Variants in MGAT4C observed in about 807,000 individuals in gnomAD.
MGAT4C encodes MGAT4 family member C, also known as alpha-1,3-mannosyl-glycoprotein 4-beta-N-acetylglucosaminyltransferase C.
Under a neutral mutation model 40.1 loss-of-function variants are expected in MGAT4C, and 19 were observed. The observed-to-expected ratio is 0.47, with a 90% CI of 0.33 to 0.70. MGAT4C has a LOEUF of 0.70. Among genes scored for constraint, MGAT4C ranks in the 30% least tolerant of loss-of-function variants. The probability of loss-of-function intolerance (pLI) is 0.02; values close to 1 mark genes in which losing one functional copy is unlikely to be tolerated. For missense variants in MGAT4C, 491 were observed against 563.2 expected (o/e 0.87, Z 1.30); for synonymous variants, 181 against 187.1 (o/e 0.97, Z 0.27).
intron 4 of MGAT4C, among the ~76,000 whole-genome samples, chr12:86,316,189 T>C (rs1377775505): frequency 6.7e-6 from 1 of 149,102 alleles, no homozygotes; most frequent in Non-Finnish European, 1.5e-5. Context: ...TCAGTCAGAA[T>C]GGCCATCACT....
intron 2 of MGAT4C, among the ~76,000 whole-genome samples, chr12:86,577,964 T>C (rs539920099): frequency 6.6e-6 from 1 of 151,924 alleles, no homozygotes; most frequent in South Asian, 2.1e-4. Flanking sequence ...CACAGTTCTC[T>C]TGCTGTCTAA....
chr12:86,512,657 T>A (rs1958611735), intron 2 of MGAT4C, among the ~76,000 whole-genome samples: 2 of 152,150 alleles, frequency 1.3e-5, no homozygotes, highest in African/African-American at 4.8e-5. Context: ...GAAGACATTA[T>A]GTTAAGTGGA....
chr12:86,245,873 A>T (rs557003839), intron 1 of MGAT4C, among the ~76,000 whole-genome samples: 7 of 152,236 alleles, frequency 4.6e-5, no homozygotes, highest in African/African-American at 1.7e-4. Context: ...TCTTGAGAAT[A>T]AATCTATAAT....
intron 1 of MGAT4C, among the ~76,000 whole-genome samples, chr12:86,251,513 T>C (rs1350960080): frequency 2.0e-5 from 3 of 152,072 alleles, no homozygotes; most frequent in Non-Finnish European, 4.4e-5. Context: ...CTTGCTCTGC[T>C]GAGAAAAAGT....
chr12:86,182,193 T>C (rs1270986106), intron 1 of MGAT4C, among the ~76,000 whole-genome samples: 1 of 152,194 alleles, frequency 6.6e-6, no homozygotes, highest in Non-Finnish European at 1.5e-5. Context: ...TGTTTGAAGA[T>C]AGCTTTCATT....
At chr12:86,367,787 G>A (rs946762058) in intron 3 of MGAT4C, among the ~76,000 whole-genome samples, 3 of 151,954 alleles carry the variant, frequency 2.0e-5, no homozygotes, top group Non-Finnish European at 2.9e-5. Context: ...GCGACAGAGC[G>A]AGACTCCGTC....
intron 1 of MGAT4C, among the ~76,000 whole-genome samples, chr12:86,812,843 A>T (rs1174072519): frequency 6.6e-6 from 1 of 152,044 alleles, no homozygotes; most frequent in African/African-American, 2.4e-5. Flanking sequence ...ATCAGGCCTA[A>T]ATGGGATGGA....
intron 1 of MGAT4C, among the ~76,000 whole-genome samples, chr12:86,088,734 C>A (rs545464409): frequency 4.6e-5 from 7 of 151,892 alleles, no homozygotes; most frequent in African/African-American, 1.7e-4. Flanking sequence ...ATTAAAAGTG[C>A]CAAAAATAAC....
At chr12:86,800,278 G>C (rs969489372) in intron 1 of MGAT4C, among the ~76,000 whole-genome samples, 4 of 151,870 alleles carry the variant, frequency 2.6e-5, no homozygotes, top group Non-Finnish European at 5.9e-5. Flanking sequence ...ATGAAACCAG[G>C]TTCCACTGAG....
intron 2 of MGAT4C, among the ~76,000 whole-genome samples, chr12:86,564,002 C>T (rs1326969596): frequency 2.6e-5 from 4 of 152,110 alleles, no homozygotes; most frequent in Admixed American, 1.3e-4. Context: ...AGTAGAGCTG[C>T]CTCTACCTAG....
rs1474661503 is a variant in MGAT4C at position 85,979,452 on chromosome 12, T to C, written c.1274A>G (p.Gln425Arg). The change falls in exon 5 of 5, where the codon CAA becomes CGA. Residue 425 changes from glutamine (Q) to arginine (R), a missense_variant. Transcript: ENST00000611864. ...ENVMPSKQRR[Q>R]CSTYLRLGEF... is the part of the protein sequence containing the mutation. ...TCCTAGTCTTAAGTAAGTAGAACATTGTCTCCTTTGTTTGCTAGGCATAAC... is the reference window on the plus strand; with the variant it reads ...TCCTAGTCTTAAGTAAGTAGAACATCGTCTCCTTTGTTTGCTAGGCATAAC... The C allele has an allele frequency of 3.7e-6, 6 of 1,613,486 alleles. No homozygotes were observed. The highest frequency in any genetic ancestry group is 4.2e-6 in the Non-Finnish European group (5 of 1,179,596).
intron 1 of MGAT4C, among the ~76,000 whole-genome samples, chr12:86,763,787 TG>T (rs1460947323): frequency 6.6e-5 from 10 of 152,266 alleles, no homozygotes; most frequent in African/African-American, 2.4e-4. Flanking sequence ...GTTCTATAAT[TG>T]GTAGTTAAAA....
At chr12:86,467,616 T>C (rs945606931) in intron 2 of MGAT4C, among the ~76,000 whole-genome samples, 6 of 152,308 alleles carry the variant, frequency 3.9e-5, no homozygotes, top group African/African-American at 1.4e-4. Context: ...TTTAGATATA[T>C]ATTTATTGCA....
At chr12:86,050,860 A>G (rs937601917) in intron 1 of MGAT4C, among the ~76,000 whole-genome samples, 2 of 152,020 alleles carry the variant, frequency 1.3e-5, no homozygotes, top group African/African-American at 4.8e-5. Context: ...ATTTTTTAAC[A>G]TGAAGTTATC....
Position 86,338,885 on chromosome 12 carries a change from G to T in MGAT4C, c.-119-4758C>A, listed in dbSNP as rs190630942. 3.9e-3 allele frequency among the ~76,000 whole-genome samples: 578 copies of T among 148,618 alleles called. 19 individuals are homozygous for T. The highest frequency in any genetic ancestry group is 0.037 in the Admixed American group (543 of 14,660). On this transcript the variant is annotated intron_variant, in intron 3 of 7. Transcript: ENST00000548651. ...GAGGTATAAGAACCGCTTGAACCCA[G>T]GTGGCAGAAGTTGCAGTGAGCTGAG...
At chr12:86,798,776 T>C (rs1458926870) in intron 1 of MGAT4C, among the ~76,000 whole-genome samples, 2 of 151,850 alleles carry the variant, frequency 1.3e-5, no homozygotes, top group African/African-American at 2.4e-5. Context: ...TCCACTTCAA[T>C]TGGTTGCCAT....
chr12:86,073,553 T>C (rs1303542710), intron 1 of MGAT4C, among the ~76,000 whole-genome samples: 2 of 152,130 alleles, frequency 1.3e-5, no homozygotes, highest in Non-Finnish European at 2.9e-5. Flanking sequence ...CTTATAGTGA[T>C]ATGGACAATA....
intron 1 of MGAT4C, among the ~76,000 whole-genome samples, chr12:86,177,681 T>C (rs1197049216): frequency 6.6e-6 from 1 of 152,032 alleles, no homozygotes; most frequent in African/African-American, 2.4e-5. Context: ...CATAAAATAA[T>C]TACTATGCTG....
intron 4 of MGAT4C, among the ~76,000 whole-genome samples, chr12:86,331,980 T>C (rs1429903903): frequency 2.0e-5 from 3 of 152,142 alleles, no homozygotes; most frequent in Non-Finnish European, 4.4e-5. Context: ...CTGGTTTATG[T>C]TGAGTATTCC....
Sources: gnomAD v4.1 joint callset for allele counts (sites outside exome capture counted in the v4.1 genomes callset) on GRCh38, gnomAD v4.1.1 for gene constraint, MANE v1.5 for transcripts, NCBI Gene and HGNC (gene_info 2026-07-23, HGNC 2026-07-21) for gene names.